Variants in RBMS1 observed in about 807,000 individuals in gnomAD.
The protein encoded by RBMS1 is RNA binding motif single stranded interacting protein 1.
RBMS1 carries 17 observed loss-of-function variants against 62.3 expected under a neutral mutation model. That is an observed-to-expected ratio of 0.27 (90% CI 0.19 to 0.41). The LOEUF is 0.41. Among genes scored for constraint, RBMS1 ranks in the 10% least tolerant of loss-of-function variants. The pLI, the probability that RBMS1 is intolerant of heterozygous loss-of-function variation, is 1.00. For missense variants in RBMS1, 334 were observed against 504.5 expected, an observed-to-expected ratio of 0.66 and a Z score of 3.24; for synonymous variants, 172 against 170.0, an observed-to-expected ratio of 1.01 and a Z score of -0.09.
chr2:160,278,229 T>C, intron 11 of RBMS1: 1 of 326,344 alleles, frequency 3.1e-6, no homozygotes, highest in South Asian at 3.3e-5. Context: ...TTGTATTACC[T>C]TCGTCTTTCG....
intron 6 of RBMS1, among the ~76,000 whole-genome samples, chr2:160,290,969 G>A (rs189739685): frequency 6.7e-6 from 1 of 149,958 alleles, no homozygotes. Flanking sequence ...TTTCCTTACC[G>A]ATCTTCTGAA....
chr2:160,379,780 TCATTTC>T, intron 1 of RBMS1, among the ~76,000 whole-genome samples: 1 of 152,248 alleles, frequency 6.6e-6, no homozygotes, highest in Admixed American at 6.5e-5. Flanking sequence ...TCATAAAGCA[TCATTTC>T]ATCTCTTTTA....
At chr2:160,409,452 T>C (rs528454072) in intron 1 of RBMS1, among the ~76,000 whole-genome samples, 53 of 152,306 alleles carry the variant, frequency 3.5e-4, no homozygotes, top group African/African-American at 1.2e-3. Context: ...GTGGAACTAT[T>C]TTCTGCTACT....
intron 1 of RBMS1, among the ~76,000 whole-genome samples, chr2:160,425,842 T>C (rs1682531658): frequency 1.3e-5 from 2 of 152,150 alleles, no homozygotes; most frequent in Non-Finnish European, 2.9e-5. Context: ...AAGATTCTTA[T>C]TCCCTTATAT....
At chr2:160,341,077 A>C (rs1319483624) in intron 2 of RBMS1, among the ~76,000 whole-genome samples, 1 of 152,200 alleles carries the variant, frequency 6.6e-6, no homozygotes, top group Non-Finnish European at 1.5e-5. Context: ...AGAGCTTAAA[A>C]AAATATATGT....
At chr2:160,314,394 T>C (rs913537650) in intron 3 of RBMS1, among the ~76,000 whole-genome samples, 9 of 152,238 alleles carry the variant, frequency 5.9e-5, no homozygotes, top group Non-Finnish European at 1.0e-4. Flanking sequence ...AAAAGCATCA[T>C]TGGAAGGTTG....
intron 2 of RBMS1, among the ~76,000 whole-genome samples, chr2:160,333,094 C>T (rs113530104): frequency 8.5e-4 from 129 of 152,132 alleles, no homozygotes; most frequent in African/African-American, 3.0e-3. Flanking sequence ...GGTGAGTTCA[C>T]TCTTTGCAGA....
Position 160,346,021 on chromosome 2 carries a change from A to G in RBMS1, c.251+21195T>C, listed in dbSNP as rs371365807. Among the ~76,000 whole-genome samples, 130 of 152,212 alleles carry G rather than the reference A, an allele frequency of 8.5e-4. 4 individuals are homozygous for G. In the South Asian group the frequency reaches 0.027, roughly 31 times the overall value. ...CCCGGCATAGTAGGCACTCTCAATA[A>G]TATTTGTTGAATTACTTGATAAACA... On this transcript the variant is annotated intron_variant, in intron 2 of 13. Transcript: ENST00000348849.
chr2:160,411,287 A>G (rs931770743), intron 1 of RBMS1, among the ~76,000 whole-genome samples: 13 of 152,200 alleles, frequency 8.5e-5, no homozygotes, highest in Admixed American at 2.0e-4. Context: ...GCCAGCAACT[A>G]TAAGAGTGCC....
intron 1 of RBMS1, among the ~76,000 whole-genome samples, chr2:160,400,228 C>T (rs1695362566): frequency 6.6e-6 from 1 of 152,020 alleles, no homozygotes; most frequent in Non-Finnish European, 1.5e-5. Context: ...TTAAAGAAAC[C>T]TCTAAAGAAG....
intron 4 of RBMS1, among the ~76,000 whole-genome samples, chr2:160,305,304 T>C (rs763856252): frequency 6.6e-5 from 10 of 152,238 alleles, no homozygotes; most frequent in Non-Finnish European, 1.3e-4. Context: ...GCTCCAGTCA[T>C]GGTAAGTGCC....
At chr2:160,331,020 G>A (rs996662615) in intron 2 of RBMS1, among the ~76,000 whole-genome samples, 4 of 152,096 alleles carry the variant, frequency 2.6e-5, no homozygotes, top group African/African-American at 9.7e-5. Context: ...TGCAAGCCAG[G>A]AACTTACTAA....
At chr2:160,476,068 G>A (rs1459920756) in intron 1 of RBMS1, among the ~76,000 whole-genome samples, 2 of 151,998 alleles carry the variant, frequency 1.3e-5, no homozygotes, top group African/African-American at 2.4e-5. Flanking sequence ...ATGTTGCACA[G>A]GCTGGTCTCA....
rs867044585 is a variant in RBMS1 at position 160,419,049 on chromosome 2, T to G, written c.76-51658A>C. On this transcript the variant is annotated intron_variant, in intron 1 of 13. Coordinates refer to ENST00000348849, the MANE Select transcript of RBMS1 (RefSeq NM_016836.4). ...ATACTTAAGAAATACTTAAGAAGGT[T>G]TGTAAATGAGTCACTGTTATCTTGG... Among the ~76,000 whole-genome samples, 3 of 152,330 alleles carry G rather than the reference T, an allele frequency of 2.0e-5. No individual in the cohort carries two copies. In the East Asian group the frequency reaches 5.8e-4, roughly 29 times the overall value.
At chr2:160,456,991 G>A (rs1306129051) in intron 1 of RBMS1, among the ~76,000 whole-genome samples, 1 of 152,062 alleles carries the variant, frequency 6.6e-6, no homozygotes, top group East Asian at 1.9e-4. Context: ...ATAAACTTCA[G>A]CTAGCCAGAT....
intron 1 of RBMS1, chr2:160,407,629 G>T: frequency 1.0e-6 from 1 of 982,212 alleles, no homozygotes; most frequent in Non-Finnish European, 1.2e-6. Flanking sequence ...GCCGGGCCCG[G>T]GGCCGCGGCA....
At chr2:160,291,784 C>T (rs1461576710) in intron 6 of RBMS1, among the ~76,000 whole-genome samples, 28 of 152,308 alleles carry the variant, frequency 1.8e-4, no homozygotes, top group Admixed American at 1.6e-3. Context: ...AATTCTCCTT[C>T]ACCTCACTTC....
At chr2:160,480,518 T>C (rs966166103) in intron 1 of RBMS1, among the ~76,000 whole-genome samples, 2 of 152,320 alleles carry the variant, frequency 1.3e-5, no homozygotes, top group East Asian at 3.9e-4. Context: ...CTTAAAACAA[T>C]AACTTTTGTG....
At chr2:160,408,062 GGGGCC>G (rs1375027594) in intron 1 of RBMS1, among the ~76,000 whole-genome samples, 1 of 148,924 alleles carries the variant, frequency 6.7e-6, no homozygotes, top group Non-Finnish European at 1.5e-5. Context: ...GGCCGGAGCC[GGGGCC>G]GGGCGGCCCG....
Sources: gnomAD v4.1 joint callset for allele counts (sites outside exome capture counted in the v4.1 genomes callset) on GRCh38, gnomAD v4.1.1 for gene constraint, MANE v1.5 for transcripts, NCBI Gene and HGNC (gene_info 2026-07-23, HGNC 2026-07-21) for gene names.